The following SEC23B variants were observed in gnomAD, a reference collection of about 807,000 sequenced individuals.
SEC23B encodes the protein protein transport protein Sec23B.
A neutral mutation model predicts 104.3 loss-of-function variants in SEC23B; 77 were observed. The observed-to-expected ratio is 0.74, with a 90% CI of 0.61 to 0.89. SEC23B has a LOEUF of 0.89. SEC23B is among the 40% of genes least tolerant of loss of function. The pLI is 0.00. For synonymous variants in SEC23B, 338 were observed against 332.5 expected, an observed-to-expected ratio of 1.02 and a Z score of -0.18; for missense variants, 885 against 949.4, an observed-to-expected ratio of 0.93 and a Z score of 0.89.
Position 18,526,521 on chromosome 20 carries a change from A to T in SEC23B, c.983A>T (p.Lys328Met), listed in dbSNP as rs1417902027. 6.2e-7 allele frequency: 1 copy of T among 1,614,106 alleles called. No homozygotes were observed. Among genetic ancestry groups the T allele is most frequent in the Admixed American group, 1.7e-5 (1 of 60,016 alleles). Reference protein sequence around the residue: ...IEKDNARFMKKATKHYEMLAN... With the variant: ...IEKDNARFMKMATKHYEMLAN... ...AAAGATAATGCACGATTCATGAAAA[A>T]GGCAACCAAGGTAGGTGCTCTTGGG... Residue 328 changes from lysine to methionine, a missense_variant, in exon 8 of 20, where the codon AAG becomes ATG. By Grantham distance (95) the Lys-to-Met change is moderately conservative (BLOSUM62 -1). Transcript: ENST00000650089.
chr20:18,548,025 C>T (rs1030074875), intron 15 of SEC23B, among the ~76,000 whole-genome samples: 15 of 152,204 alleles, frequency 9.9e-5, no homozygotes, highest in Admixed American at 5.2e-4. Flanking sequence ...GATCTCAGCT[C>T]ACCGCAACCT....
intron 4 of SEC23B, 113 bp downstream of exon 4, chr20:18,515,849 C>T (rs1317556702): frequency 8.1e-6 from 6 of 740,348 alleles, no homozygotes; most frequent in Non-Finnish European, 1.5e-5. Context: ...GTGAGGGCAG[C>T]AGGATCCTAA....
At chr20:18,536,574 C>CTTGG (rs1471727044) in intron 12 of SEC23B, among the ~76,000 whole-genome samples, 2 of 152,082 alleles carry the variant, frequency 1.3e-5, no homozygotes, top group African/African-American at 4.8e-5. Context: ...TGCCTGTAGT[C>CTTGG]CCAGCTACTT....
intron 12 of SEC23B, among the ~76,000 whole-genome samples, chr20:18,537,943 G>GT (rs950925882): frequency 0.014 from 2,071 of 146,774 alleles, 42 homozygotes; most frequent in African/African-American, 0.039. Context: ...TTCTCTTTTT[G>GT]TTTTTTTTTT....
At chr20:18,539,269 G>T (rs1479418157) in intron 12 of SEC23B, among the ~76,000 whole-genome samples, 2 of 148,770 alleles carry the variant, frequency 1.3e-5, no homozygotes, top group Non-Finnish European at 3.0e-5. Flanking sequence ...ACTTTGGGAG[G>T]CCAGGGCAGG....
intron 16 of SEC23B, among the ~76,000 whole-genome samples, chr20:18,549,401 T>G (rs2122152947): frequency 6.6e-6 from 1 of 152,324 alleles, no homozygotes; most frequent in Non-Finnish European, 1.5e-5. Context: ...CTGTATGGTT[T>G]AGGGAATAAT....
intron 4 of SEC23B, among the ~76,000 whole-genome samples, chr20:18,519,539 T>C (rs1354693239): frequency 1.3e-5 from 2 of 151,224 alleles, no homozygotes; most frequent in Non-Finnish European, 3.0e-5. Flanking sequence ...AAGGCTACAG[T>C]GCGCGGTCCC....
At chr20:18,554,991 G>T in intron 18 of SEC23B, 117 bp from the exon 19 acceptor site, 1 of 812,866 alleles carries the variant, frequency 1.2e-6, no homozygotes, top group Admixed American at 2.0e-5. Context: ...TTACTGTGCA[G>T]TAAAACAATT....
rs1196043758 is a variant in SEC23B at position 18,532,762 on chromosome 20, A to C, written c.1314+18A>C. On this transcript the variant is annotated intron_variant, in intron 11 of 19. Coordinates refer to ENST00000650089, the MANE Select transcript of SEC23B (RefSeq NM_006363.6). ...CAGAAAATGTAAGGAAAACAACTCCATCACCCTCACCTCCTGCCCCGGATT... is the reference window on the plus strand; with the variant it reads ...CAGAAAATGTAAGGAAAACAACTCCCTCACCCTCACCTCCTGCCCCGGATT... 1.7e-5 allele frequency: 27 copies of C among 1,578,956 alleles called. No individual in the cohort carries two copies. The highest frequency in any genetic ancestry group is 2.3e-5 in the Non-Finnish European group (26 of 1,147,560).
At position 18,511,518 on chromosome 20, in the gene SEC23B, T is replaced by G. The variant is rs1464311868; in HGVS notation, c.221+462T>G. On this transcript the variant is annotated intron_variant, in intron 2 of 19. Transcript: ENST00000650089. ...TTGTTAAGTGTAATTTTTTTTTTTT[T>G]TGTGCCTGAGATAGTGACCTATTTC... 4.0e-5 allele frequency among the ~76,000 whole-genome samples: 6 copies of G among 150,620 alleles called. No homozygotes were observed. In the East Asian group the frequency reaches 6.0e-4, roughly 15 times the overall value.
At chr20:18,535,552 C>T in intron 11 of SEC23B, 101 bp from the exon 12 acceptor site, 2 of 833,388 alleles carry the variant, frequency 2.4e-6, no homozygotes, top group South Asian at 1.4e-5. Flanking sequence ...AAAGAAGATA[C>T]TCTAAGTAGC....
chr20:18,509,369 T>TA (rs2059961346), intron 1 of SEC23B, among the ~76,000 whole-genome samples: 1 of 152,252 alleles, frequency 6.6e-6, no homozygotes. Flanking sequence ...AGACAGTTGT[T>TA]ATCCATATTC....
chr20:18,513,049 T>C (rs2059994818), intron 3 of SEC23B, among the ~76,000 whole-genome samples: 1 of 152,160 alleles, frequency 6.6e-6, no homozygotes, highest in Non-Finnish European at 1.5e-5. Context: ...CCAGGAGTGG[T>C]GGCAGCCACC....
chr20:18,527,755 G>A (rs781185323), intron 9 of SEC23B, 144 bp downstream of exon 9: 2 of 752,416 alleles, frequency 2.7e-6, no homozygotes, highest in Non-Finnish European at 4.9e-6. Flanking sequence ...ACTGGGGAGG[G>A]CCTGTGGGCT....
chr20:18,512,221 A>G lies in SEC23B; in HGVS notation c.222-4A>G, dbSNP rs1568596855. ...CCTACTTATAATATTTATCTTTCTCACAGTCAGGTTGATTATCGAGCAAAA... is the reference window on the plus strand; with the variant it reads ...CCTACTTATAATATTTATCTTTCTCGCAGTCAGGTTGATTATCGAGCAAAA... On this transcript the variant is annotated splice_polypyrimidine_tract_variant and splice_region_variant and intron_variant, in intron 2 of 19. Coordinates refer to ENST00000650089, the MANE Select transcript of SEC23B (RefSeq NM_006363.6). The G allele has an allele frequency of 1.9e-6, 3 of 1,570,098 alleles. No homozygotes were observed. Among genetic ancestry groups the G allele is most frequent in the African/African-American group, 1.3e-5 (1 of 74,148 alleles).
At chr20:18,557,685 TTTTA>T (rs2060452049) in intron 19 of SEC23B, among the ~76,000 whole-genome samples, 1 of 152,052 alleles carries the variant, frequency 6.6e-6, no homozygotes, top group Non-Finnish European at 1.5e-5. Context: ...ACATGGTTGC[TTTTA>T]TTGTTTTCTT....
Position 18,530,695 on chromosome 20 carries a change from G to A in SEC23B, c.1125G>A (p.Met375Ile). Residue 375 changes from methionine (M) to isoleucine (I), a missense_variant, in exon 10 of 20, where the codon ATG becomes ATA. Transcript: ENST00000650089. ...TCTTACCTAGAGGCTACATGGTAAT[G>A]GGAGATTCTTTCAACACTTCTCTCT... ...CANLTGGYMV[M>I]GDSFNTSLFK... 1 of 1,611,596 alleles carries A rather than the reference G, an allele frequency of 6.2e-7. No homozygotes were observed. The highest frequency in any genetic ancestry group is 8.5e-7 in the Non-Finnish European group (1 of 1,177,838).
rs559497705 is a variant in SEC23B, at chr20:18,518,931, G to T, written c.366+3195G>T. Among the ~76,000 whole-genome samples, 5 of 152,278 alleles carry T rather than the reference G, an allele frequency of 3.3e-5. No individual in the cohort carries two copies. The East Asian group carries it at 5.8e-4, about 18-fold the overall frequency. Reference sequence around the variant, plus strand: ...CCTATATAACAGCATGGTGGTGCAGGATATGGAAGGCATATTTAGAGTCAG... The same window carrying T: ...CCTATATAACAGCATGGTGGTGCAGTATATGGAAGGCATATTTAGAGTCAG... On this transcript the variant is annotated intron_variant, in intron 4 of 19. Coordinates refer to ENST00000650089, the MANE Select transcript of SEC23B (RefSeq NM_006363.6).
At chr20:18,538,472 CTCGA>C in intron 12 of SEC23B, among the ~76,000 whole-genome samples, 1 of 151,892 alleles carries the variant, frequency 6.6e-6, no homozygotes, top group East Asian at 1.9e-4. Flanking sequence ...CCAGGATGGT[CTCGA>C]TCTCCTGACC....
Sources: allele counts gnomAD v4.1 joint callset (sites outside exome capture counted in the v4.1 genomes callset), GRCh38; gene constraint gnomAD v4.1.1; transcripts MANE v1.5; gene names NCBI Gene and HGNC (gene_info 2026-07-23, HGNC 2026-07-21).